Variants in UBXN7 observed in about 807,000 individuals in gnomAD.
UBXN7 encodes the protein UBX domain protein 7.
UBXN7 carries 9 observed loss-of-function variants against 58.0 expected under a neutral mutation model. The observed-to-expected ratio is 0.16, with a 90% CI of 0.09 to 0.27. The LOEUF is 0.27. Among genes scored for constraint, UBXN7 ranks in the 10% least tolerant of loss-of-function variants. The pLI, the probability that UBXN7 is intolerant of heterozygous loss-of-function variation, is 1.00. For missense variants in UBXN7, 328 were observed against 599.6 expected (o/e 0.55, Z 4.73); for synonymous variants, 208 against 205.0 (o/e 1.01, Z -0.12).
intron 5 of UBXN7, among the ~76,000 whole-genome samples, chr3:196,372,343 C>CTT (rs894793736): frequency 1.0e-3 from 109 of 107,516 alleles, no homozygotes; most frequent in African/African-American, 2.1e-3. Context: ...TTCTTTCTTT[C>CTT]TTTTTTTTTT....
intron 5 of UBXN7, among the ~76,000 whole-genome samples, chr3:196,391,016 GT>G (rs1729566161): frequency 6.6e-6 from 1 of 152,144 alleles, no homozygotes; most frequent in Admixed American, 6.5e-5. Flanking sequence ...ACTCTGGAAA[GT>G]TTTTGTTTGG....
chr3:196,422,890 C>CA (rs1246603028), intron 1 of UBXN7, among the ~76,000 whole-genome samples: 3 of 152,292 alleles, frequency 2.0e-5, no homozygotes, highest in East Asian at 1.9e-4. Flanking sequence ...AACCACAGTA[C>CA]AACCATACAA....
chr3:196,372,257 G>A (rs1461252271), intron 5 of UBXN7, among the ~76,000 whole-genome samples: 3 of 147,000 alleles, frequency 2.0e-5, no homozygotes, highest in Admixed American at 6.8e-5. Flanking sequence ...AAATTTAAAT[G>A]AACTCATTTC....
At chr3:196,416,160 G>C (rs1022796891) in intron 1 of UBXN7, 2 of 152,202 alleles carry the variant, frequency 1.3e-5, no homozygotes, top group African/African-American at 4.8e-5. Flanking sequence ...AACTTACACC[G>C]GGTGCGGTGG....
intron 1 of UBXN7, 105 bp downstream of exon 1, chr3:196,432,222 G>T: frequency 6.7e-7 from 1 of 1,482,980 alleles, no homozygotes; most frequent in Non-Finnish European, 9.3e-7. Context: ...GGCAGCTGTG[G>T]GTAAAGCCCG....
At chr3:196,394,351 C>G (rs927476672) in intron 3 of UBXN7, among the ~76,000 whole-genome samples, 5 of 149,576 alleles carry the variant, frequency 3.3e-5, no homozygotes, top group African/African-American at 7.4e-5. Flanking sequence ...TCCTGTAATC[C>G]CAGCATTTTG....
intron 3 of UBXN7, among the ~76,000 whole-genome samples, chr3:196,398,151 C>A (rs1049388074): frequency 6.6e-6 from 1 of 152,158 alleles, no homozygotes; most frequent in Non-Finnish European, 1.5e-5. Flanking sequence ...GAATGGATGC[C>A]CCCAGGCAAT....
Position 196,348,947 on chromosome 3 carries a change from C to G in UBXN7, c.*7738G>C, listed in dbSNP as rs1728149999. The G allele has an allele frequency of 5.3e-5, 8 of 151,884 alleles. No homozygotes were observed. Among genetic ancestry groups the G allele is most frequent in the Admixed American group, 5.2e-4 (8 of 15,240 alleles). The allele number at this position is 151,884 out of a possible 1,614,324, so 9.4% of individuals were successfully genotyped here. ...GCAAACAAAACAAAACAAAACAAAA[C>G]AAAACAAACAAAACAAAAAGTAACA... On this transcript the variant is annotated 3_prime_UTR_variant, in exon 11 of 11. Transcript: ENST00000296328.
rs974241780 is a variant in UBXN7 at position 196,349,118 on chromosome 3, C to T, written c.*7567G>A. The T allele has an allele frequency of 6.6e-6, 1 of 152,166 alleles. No homozygotes were observed. The highest frequency in any genetic ancestry group is 1.5e-5 in the Non-Finnish European group (1 of 68,022). 9.4% of individuals were successfully genotyped at this position (152,166 alleles called of 1,614,324 possible). A position where few individuals can be genotyped will look rare whatever the true frequency, so the allele number is the denominator to read the frequency against. ...CCTCAAAGTCTAAGTATCGTGTTAG[C>T]ATCAACTGGTACTCATTTCTCTATA... On this transcript the variant is annotated 3_prime_UTR_variant, in exon 11 of 11. Transcript: ENST00000296328.
chr3:196,371,320 A>T (rs1048504630), intron 6 of UBXN7, among the ~76,000 whole-genome samples: 10 of 152,206 alleles, frequency 6.6e-5, no homozygotes, highest in African/African-American at 2.4e-4. Flanking sequence ...AATGCAGATC[A>T]TCTCATTATT....
intron 7 of UBXN7, 116 bp from the exon 8 acceptor site, chr3:196,368,271 T>G: frequency 9.4e-7 from 1 of 1,064,122 alleles, no homozygotes; most frequent in Non-Finnish European, 1.3e-6. Flanking sequence ...TCATTAAGTA[T>G]CTCTTTCAGC....
chr3:196,431,215 G>T (rs1226249541), intron 1 of UBXN7, among the ~76,000 whole-genome samples: 1 of 152,132 alleles, frequency 6.6e-6, no homozygotes, highest in Non-Finnish European at 1.5e-5. Context: ...ATAAAGTATA[G>T]ATCCGTTGAG....
chr3:196,388,221 C>T (rs1396220756), intron 5 of UBXN7, among the ~76,000 whole-genome samples: 1 of 150,084 alleles, frequency 6.7e-6, no homozygotes, highest in Non-Finnish European at 1.5e-5. Context: ...CATGATCTCA[C>T]TCACAGGTGG....
intron 1 of UBXN7, among the ~76,000 whole-genome samples, chr3:196,417,261 G>A (rs912917001): frequency 1.4e-4 from 22 of 152,148 alleles, no homozygotes; most frequent in Middle Eastern, 3.2e-3. Flanking sequence ...GCAGTGAGCC[G>A]AGATCGCGCG....
At chr3:196,415,354 A>G (rs1330993829) in intron 1 of UBXN7, among the ~76,000 whole-genome samples, 4 of 149,992 alleles carry the variant, frequency 2.7e-5, no homozygotes, top group Non-Finnish European at 5.9e-5. Context: ...GGATTTCACC[A>G]TGTTGGCTAG....
rs1728124018 is a variant in UBXN7, at chr3:196,347,899, C to T, written c.*8786G>A. 7.8e-6 allele frequency: 1 copy of T among 127,918 alleles called. No individual in the cohort carries two copies. Among genetic ancestry groups the T allele is most frequent in the East Asian group, 2.6e-4 (1 of 3,794 alleles). The allele number at this position is 127,918 out of a possible 1,614,324, so 7.9% of individuals were successfully genotyped here. A position where few individuals can be genotyped will look rare whatever the true frequency, so the allele number is the denominator to read the frequency against. ...AAGTTGCAGTATTAATATAAAGCAACTGGGTACAACACAGCAAGAGTATTC... is the reference window on the plus strand; with the variant it reads ...AAGTTGCAGTATTAATATAAAGCAATTGGGTACAACACAGCAAGAGTATTC... On this transcript the variant is annotated 3_prime_UTR_variant, in exon 11 of 11. Coordinates refer to ENST00000296328, the MANE Select transcript of UBXN7 (RefSeq NM_015562.2).
At chr3:196,384,165 T>C (rs747127876) in intron 5 of UBXN7, among the ~76,000 whole-genome samples, 9 of 152,104 alleles carry the variant, frequency 5.9e-5, no homozygotes, top group Non-Finnish European at 1.2e-4. Flanking sequence ...GAGAATACTA[T>C]AAACACCTCT....
chr3:196,356,879 A>G (rs1349675095), intron 10 of UBXN7, 33 bp from the exon 11 acceptor site: 7 of 1,589,138 alleles, frequency 4.4e-6, no homozygotes, highest in Admixed American at 3.9e-5. Flanking sequence ...AAGCCATTAG[A>G]CGGAAAAAGA....
At chr3:196,387,004 C>T (rs1268640471) in intron 5 of UBXN7, among the ~76,000 whole-genome samples, 1 of 151,894 alleles carries the variant, frequency 6.6e-6, no homozygotes, top group South Asian at 2.1e-4. Context: ...GTACTGGTAC[C>T]GAAACAAATA....
Sources: allele counts gnomAD v4.1 joint callset (sites outside exome capture counted in the v4.1 genomes callset), GRCh38; gene constraint gnomAD v4.1.1; transcripts MANE v1.5; gene names NCBI Gene and HGNC (gene_info 2026-07-23, HGNC 2026-07-21).